SMYD3: variants seen among roughly 807,000 people sequenced by gnomAD.
SMYD3 encodes the protein histone-lysine N-methyltransferase SMYD3.
Under a neutral mutation model 57.7 loss-of-function variants are expected in SMYD3, and 36 were observed. The ratio of observed to expected loss-of-function variants is 0.62; its 90% CI spans 0.48 to 0.82. The LOEUF is 0.82. Among genes scored for constraint, SMYD3 ranks in the 40% least tolerant of loss-of-function variants. The pLI is 0.00. For synonymous variants in SMYD3, 211 were observed against 195.0 expected, an observed-to-expected ratio of 1.08 and a Z score of -0.68; for missense variants, 515 against 538.8, an observed-to-expected ratio of 0.96 and a Z score of 0.44.
intron 1 of SMYD3, among the ~76,000 whole-genome samples, chr1:246,365,371 T>G (rs2066081769): frequency 6.7e-6 from 1 of 150,256 alleles, no homozygotes; most frequent in African/African-American, 2.4e-5. Flanking sequence ...GTCACAAGCC[T>G]GTGGTCCCAG....
chr1:245,981,549 C>A (rs2058597043), intron 5 of SMYD3, among the ~76,000 whole-genome samples: 1 of 152,200 alleles, frequency 6.6e-6, no homozygotes, highest in Non-Finnish European at 1.5e-5. Flanking sequence ...TTCCCTTATA[C>A]AACTGAACCC....
At chr1:245,852,941 C>G (rs930200432) in intron 10 of SMYD3, among the ~76,000 whole-genome samples, 1 of 152,134 alleles carries the variant, frequency 6.6e-6, no homozygotes, top group African/African-American at 2.4e-5. Flanking sequence ...CATACGAACA[C>G]ACGCACATAC....
At chr1:246,329,630 A>G (rs962243858) in intron 4 of SMYD3, among the ~76,000 whole-genome samples, 2 of 151,886 alleles carry the variant, frequency 1.3e-5, no homozygotes, top group African/African-American at 4.8e-5. Context: ...ATTTTCTCCC[A>G]TTTTGTAGGT....
intron 1 of SMYD3, among the ~76,000 whole-genome samples, chr1:246,481,304 GT>G (rs1266666499): frequency 6.6e-6 from 1 of 151,598 alleles, no homozygotes; most frequent in African/African-American, 2.4e-5. Context: ...GTCTATGAGG[GT>G]TTTTCTGGAA....
intron 7 of SMYD3, among the ~76,000 whole-genome samples, chr1:245,921,391 T>C (rs1250978238): frequency 6.6e-6 from 1 of 152,100 alleles, no homozygotes; most frequent in Non-Finnish European, 1.5e-5. Flanking sequence ...GAACTACCAT[T>C]TGAGCCAACA....
At chr1:246,369,820 G>C (rs141474677) in intron 1 of SMYD3, among the ~76,000 whole-genome samples, 1 of 151,984 alleles carries the variant, frequency 6.6e-6, no homozygotes, top group African/African-American at 2.4e-5. Context: ...GATTAGATTA[G>C]AGCCACTGCA....
intron 1 of SMYD3, among the ~76,000 whole-genome samples, chr1:246,497,526 T>C (rs548653372): frequency 1.6e-4 from 25 of 152,338 alleles, no homozygotes; most frequent in African/African-American, 5.5e-4. Flanking sequence ...GATTAAGAGA[T>C]AATGGGGAAC....
rs111644736 is a variant in SMYD3, at chr1:246,169,469, T to C, written c.531+157732A>G. On this transcript the variant is annotated intron_variant, in intron 5 of 11. Coordinates refer to ENST00000490107, the MANE Select transcript of SMYD3 (RefSeq NM_001167740.2). ...CTGGACTATCTAAGAAACAAAATAA[T>C]GTTCCTGGAGTAGCAAACAGAAGTC... 1.7e-3 allele frequency among the ~76,000 whole-genome samples: 244 copies of C among 143,244 alleles called. 1 individual carries two copies. The highest frequency in any genetic ancestry group is 5.9e-3 in the African/African-American group (226 of 38,234). 94.0% of individuals were successfully genotyped at this position (143,244 alleles called of 152,430 possible).
intron 5 of SMYD3, among the ~76,000 whole-genome samples, chr1:246,090,515 TCTC>T (rs1490905316): frequency 2.0e-4 from 11 of 55,278 alleles, no homozygotes; most frequent in Admixed American, 1.0e-3. Context: ...TTTTTCTTTC[TCTC>T]TCTCTTTTTT....
intron 10 of SMYD3, among the ~76,000 whole-genome samples, chr1:245,837,925 C>T (rs893483421): frequency 2.0e-5 from 3 of 152,216 alleles, no homozygotes; most frequent in African/African-American, 7.2e-5. Context: ...AGGAAGTCAA[C>T]GGCATAACAC....
intron 5 of SMYD3, among the ~76,000 whole-genome samples, chr1:245,982,448 G>A (rs2058617400): frequency 6.6e-6 from 1 of 152,162 alleles, no homozygotes; most frequent in African/African-American, 2.4e-5. Flanking sequence ...TTAAATAGAA[G>A]TAGCATCCTA....
At chr1:246,027,138 G>A (rs1173660729) in intron 5 of SMYD3, among the ~76,000 whole-genome samples, 1 of 152,166 alleles carries the variant, frequency 6.6e-6, no homozygotes, top group Non-Finnish European at 1.5e-5. Flanking sequence ...TTCTATAAAG[G>A]CTGAGAGAGG....
chr1:246,160,994 A>T (rs2062109737), intron 5 of SMYD3, among the ~76,000 whole-genome samples: 1 of 152,210 alleles, frequency 6.6e-6, no homozygotes, highest in South Asian at 2.1e-4. Context: ...CATTACCAAC[A>T]TGCAGGCTGG....
chr1:246,352,694 C>T (rs2065850412), intron 2 of SMYD3, among the ~76,000 whole-genome samples: 1 of 152,108 alleles, frequency 6.6e-6, no homozygotes, highest in South Asian at 2.1e-4. Context: ...GTAGTAAAAA[C>T]ACATGCACTA....
chr1:246,092,579 A>G (rs2060841742), intron 5 of SMYD3, among the ~76,000 whole-genome samples: 1 of 152,094 alleles, frequency 6.6e-6, no homozygotes, highest in African/African-American at 2.4e-5. Context: ...ATGCAAGTAG[A>G]CCCCACCTCT....
chr1:246,134,658 CCAT>C (rs1428195924), intron 5 of SMYD3, among the ~76,000 whole-genome samples: 1 of 151,904 alleles, frequency 6.6e-6, no homozygotes, highest in East Asian at 1.9e-4. Context: ...TCCCAAATGT[CCAT>C]CATATTATTT....
intron 5 of SMYD3, among the ~76,000 whole-genome samples, chr1:246,257,958 T>A (rs2063928540): frequency 6.6e-6 from 1 of 152,166 alleles, no homozygotes; most frequent in African/African-American, 2.4e-5. Flanking sequence ...TCTCCAAAAG[T>A]AGATGCTGCC....
chr1:246,317,592 C>T (rs1044938175), intron 5 of SMYD3, among the ~76,000 whole-genome samples: 27 of 152,234 alleles, frequency 1.8e-4, no homozygotes, highest in East Asian at 7.7e-4. Context: ...CATTCATTCA[C>T]GTATTGTACA....
chr1:246,040,063 T>C (rs2059841953), intron 5 of SMYD3, among the ~76,000 whole-genome samples: 1 of 152,238 alleles, frequency 6.6e-6, no homozygotes, highest in African/African-American at 2.4e-5. Flanking sequence ...TCCCGGCTAG[T>C]ATTAAACTGT....
Sources: allele counts gnomAD v4.1 joint callset (sites outside exome capture counted in the v4.1 genomes callset), GRCh38; gene constraint gnomAD v4.1.1; transcripts MANE v1.5; gene names NCBI Gene and HGNC (gene_info 2026-07-23, HGNC 2026-07-21).